PPP6R3: variants seen among roughly 807,000 people sequenced by gnomAD.
The protein encoded by PPP6R3 is serine/threonine-protein phosphatase 6 regulatory subunit 3.
A neutral mutation model predicts 110.7 loss-of-function variants in PPP6R3; 38 were observed. That is an observed-to-expected ratio of 0.34 (90% CI 0.26 to 0.45). The LOEUF is 0.45. Among genes scored for constraint, PPP6R3 ranks in the 20% least tolerant of loss-of-function variants. The pLI, the probability that PPP6R3 is intolerant of heterozygous loss-of-function variation, is 1.00. For missense variants in PPP6R3, 870 were observed against 1,062.4 expected, an observed-to-expected ratio of 0.82 and a Z score of 2.52; for synonymous variants, 369 against 373.5, an observed-to-expected ratio of 0.99 and a Z score of 0.14.
At chr11:68,598,036 T>C (rs906898969) in intron 19 of PPP6R3, among the ~76,000 whole-genome samples, 7 of 152,126 alleles carry the variant, frequency 4.6e-5, no homozygotes, top group African/African-American at 1.4e-4. Context: ...AACAGGTCTT[T>C]AAAACTTTTT....
intron 14 of PPP6R3, among the ~76,000 whole-genome samples, chr11:68,580,516 A>G (rs2099549340): frequency 6.6e-6 from 1 of 151,850 alleles, no homozygotes; most frequent in African/African-American, 2.4e-5. Flanking sequence ...ATGGGTCTGG[A>G]GAGGGATTTT....
intron 18 of PPP6R3, among the ~76,000 whole-genome samples, chr11:68,593,539 A>G (rs1401856260): frequency 6.6e-6 from 1 of 152,262 alleles, no homozygotes; most frequent in African/African-American, 2.4e-5. Context: ...AATAGTCACT[A>G]AAATAACAAA....
chr11:68,579,815 A>G (rs2099546150), intron 14 of PPP6R3, among the ~76,000 whole-genome samples: 1 of 152,252 alleles, frequency 6.6e-6, no homozygotes, highest in South Asian at 2.1e-4. Flanking sequence ...CAGTTGCCTC[A>G]GTATTCAGTG....
At chr11:68,570,061 A>G (rs2099496935) in intron 11 of PPP6R3, among the ~76,000 whole-genome samples, 164 bp downstream of exon 11, 1 of 152,252 alleles carries the variant, frequency 6.6e-6, no homozygotes, top group South Asian at 2.1e-4. Flanking sequence ...AAATCATTAT[A>G]TAAATCAAGT....
At chr11:68,489,552 T>TGTGTGTG (rs1491233294) in intron 1 of PPP6R3, among the ~76,000 whole-genome samples, 6,223 of 144,982 alleles carry the variant, frequency 0.043, 196 homozygotes, top group African/African-American at 0.082. Context: ...TACTGTGTGT[T>TGTGTGTG]TGTGTGTGTG....
At chr11:68,609,836 C>T (rs1160612626) in intron 22 of PPP6R3, 68 bp from the exon 23 acceptor site, 3 of 1,605,340 alleles carry the variant, frequency 1.9e-6, no homozygotes, top group Non-Finnish European at 1.7e-6. Context: ...TGCATGTGAC[C>T]TCATCCTCTG....
rs1166959892 is a variant in PPP6R3, at chr11:68,525,874, A to G, written c.-7+6223A>G. Among the ~76,000 whole-genome samples the G allele has an allele frequency of 2.6e-5, 4 of 152,324 alleles. No individual in the cohort carries two copies. The East Asian group carries it at 7.7e-4, about 29-fold the overall frequency. On this transcript the variant is annotated intron_variant, in intron 2 of 23. Coordinates refer to ENST00000393800, the MANE Select transcript of PPP6R3 (RefSeq NM_001164161.2). ...ATTGTCACTTACCTCAAGTTGGGTG[A>G]GTTATAAATGGCACATAACTGGGTT...
At chr11:68,464,365 G>A (rs565147617) in intron 1 of PPP6R3, among the ~76,000 whole-genome samples, 1 of 152,134 alleles carries the variant, frequency 6.6e-6, no homozygotes, top group South Asian at 2.1e-4. Flanking sequence ...TCCTGACCTC[G>A]TGATCTACCC....
chr11:68,541,833 G>A (rs2099317220), intron 3 of PPP6R3, among the ~76,000 whole-genome samples: 1 of 152,052 alleles, frequency 6.6e-6, no homozygotes, highest in Admixed American at 6.6e-5. Context: ...GGAAGGAGGG[G>A]GGACAGTGGG....
intron 10 of PPP6R3, 38 bp downstream of exon 10, chr11:68,567,204 A>G (rs779492637): frequency 4.7e-6 from 7 of 1,498,470 alleles, no homozygotes; most frequent in African/African-American, 4.2e-5. Flanking sequence ...TTAATTTGCC[A>G]TTGATATTTC....
At chr11:68,479,631 C>A (rs893354933) in intron 1 of PPP6R3, among the ~76,000 whole-genome samples, 1 of 151,964 alleles carries the variant, frequency 6.6e-6, no homozygotes, top group Non-Finnish European at 1.5e-5. Flanking sequence ...TAGCTTCTAA[C>A]CTCTTTCTTT....
intron 12 of PPP6R3, among the ~76,000 whole-genome samples, chr11:68,573,552 T>C (rs565327415): frequency 1.3e-5 from 2 of 152,292 alleles, no homozygotes; most frequent in East Asian, 3.9e-4. Flanking sequence ...GAATGGTGTA[T>C]GGTCAAGTAC....
chr11:68,499,154 G>C (rs2099034846), intron 1 of PPP6R3, among the ~76,000 whole-genome samples: 1 of 148,746 alleles, frequency 6.7e-6, no homozygotes, highest in Non-Finnish European at 1.5e-5. Context: ...ATTTTTTGCT[G>C]CATAATAAAT....
At chr11:68,528,890 G>A (rs75561373) in intron 2 of PPP6R3, among the ~76,000 whole-genome samples, 193 of 152,294 alleles carry the variant, frequency 1.3e-3, no homozygotes, top group Admixed American at 2.4e-3. Context: ...GCCTCCAGGT[G>A]TCTGGACACT....
chr11:68,537,692 T>C lies in PPP6R3; in HGVS notation c.28T>C (p.Ser10Pro). Residue 10 changes from serine (S) to proline (P), a missense_variant, in exon 3 of 24, where the codon TCA becomes CCA. Coordinates refer to ENST00000393800, the MANE Select transcript of PPP6R3 (RefSeq NM_001164161.2). ...GTTTTGGAAATTTGATCTTCACTCA[T>C]CATCCCACATAGACACACTTCTAGA... MFWKFDLHS[S>P]SHIDTLLERE... 1 of 1,607,340 alleles carries C rather than the reference T, an allele frequency of 6.2e-7. No individual in the cohort carries two copies. Among genetic ancestry groups the C allele is most frequent in the Non-Finnish European group, 8.5e-7 (1 of 1,176,524 alleles).
At chr11:68,519,728 T>C (rs1007588959) in intron 2 of PPP6R3, 77 bp downstream of exon 2, 2 of 396,586 alleles carry the variant, frequency 5.0e-6, no homozygotes, top group African/African-American at 4.1e-5. Flanking sequence ...TGTGAGACCC[T>C]GGAGTCTTAG....
intron 5 of PPP6R3, among the ~76,000 whole-genome samples, chr11:68,548,651 C>T (rs1276744860): frequency 1.3e-5 from 2 of 152,098 alleles, no homozygotes; most frequent in African/African-American, 2.4e-5. Flanking sequence ...GGGATTCAGG[C>T]TTCAGAAGTA....
intron 3 of PPP6R3, among the ~76,000 whole-genome samples, chr11:68,540,217 A>C (rs913344595): frequency 2.0e-5 from 3 of 152,324 alleles, no homozygotes; most frequent in Middle Eastern, 3.4e-3. Flanking sequence ...ATATTCACAT[A>C]GGTTCTTTTC....
chr11:68,533,576 G>A (rs1346001387), intron 2 of PPP6R3, among the ~76,000 whole-genome samples: 1 of 151,676 alleles, frequency 6.6e-6, no homozygotes, highest in South Asian at 2.1e-4. Context: ...GTGGTGGCAC[G>A]GGTCTGTAGT....
Sources: gnomAD v4.1 joint callset for allele counts (sites outside exome capture counted in the v4.1 genomes callset) on GRCh38, gnomAD v4.1.1 for gene constraint, MANE v1.5 for transcripts, NCBI Gene and HGNC (gene_info 2026-07-23, HGNC 2026-07-21) for gene names.